Variants in NALF1 observed in about 807,000 individuals in gnomAD.
NALF1 encodes NALCN channel auxiliary factor 1.
Under a neutral mutation model 48.4 loss-of-function variants are expected in NALF1, and 3 were observed. That is an observed-to-expected ratio of 0.06 (90% CI 0.03 to 0.16). The LOEUF (loss-of-function observed/expected upper bound fraction) is 0.16. NALF1 is among the 10% of genes least tolerant of loss of function. The pLI is 1.00. For missense variants in NALF1, 526 were observed against 571.5 expected (o/e 0.92, Z 0.81); for synonymous variants, 262 against 245.7 (o/e 1.07, Z -0.62).
intron 1 of NALF1, among the ~76,000 whole-genome samples, chr13:107,585,395 G>T (rs1298940186): frequency 6.6e-6 from 1 of 151,514 alleles, no homozygotes; most frequent in African/African-American, 2.4e-5. Context: ...AAAATCCAAC[G>T]TATCTGGGAA....
At chr13:107,538,206 C>G (rs1028396884) in intron 1 of NALF1, among the ~76,000 whole-genome samples, 4 of 152,104 alleles carry the variant, frequency 2.6e-5, no homozygotes, top group Non-Finnish European at 5.9e-5. Flanking sequence ...GCCATATATT[C>G]CAATCAAGCC....
Position 107,400,486 on chromosome 13 carries a change from C to T in NALF1, c.916-189731G>A, listed in dbSNP as rs113113671. On this transcript the variant is annotated intron_variant, in intron 1 of 2. Coordinates refer to ENST00000375915, the MANE Select transcript of NALF1 (RefSeq NM_001080396.3). ...ATCCCAGCACTTTTGGAGGCTGAGG[C>T]GGGCAGATCACAAGGTCAGGAGATC... Among the ~76,000 whole-genome samples, 355 of 151,996 alleles carry T rather than the reference C, an allele frequency of 2.3e-3. 1 individual carries two copies. Among genetic ancestry groups the T allele is most frequent in the Admixed American group, 3.5e-3 (53 of 15,238 alleles).
chr13:107,833,028 G>A (rs557568328), intron 1 of NALF1, among the ~76,000 whole-genome samples: 1 of 152,158 alleles, frequency 6.6e-6, no homozygotes, highest in East Asian at 1.9e-4. Context: ...TCTTCCTGTG[G>A]CCCCTGGCCT....
intron 1 of NALF1, among the ~76,000 whole-genome samples, chr13:107,258,644 T>A (rs1395955866): frequency 6.6e-6 from 1 of 152,178 alleles, no homozygotes; most frequent in Non-Finnish European, 1.5e-5. Context: ...GAAGCCAATA[T>A]GCTGCAGTGA....
At chr13:107,312,055 A>G (rs1396836962) in intron 1 of NALF1, among the ~76,000 whole-genome samples, 1 of 152,220 alleles carries the variant, frequency 6.6e-6, no homozygotes, top group Non-Finnish European at 1.5e-5. Flanking sequence ...CATTTGACCC[A>G]GCCATCCCAT....
At chr13:107,319,904 C>T (rs1031147416) in intron 1 of NALF1, among the ~76,000 whole-genome samples, 3 of 152,062 alleles carry the variant, frequency 2.0e-5, no homozygotes, top group African/African-American at 4.8e-5. Flanking sequence ...ACTAATCTAA[C>T]GAGGGGAAGC....
At chr13:107,183,867 T>C (rs1198295777) in intron 2 of NALF1, among the ~76,000 whole-genome samples, 1 of 152,112 alleles carries the variant, frequency 6.6e-6, no homozygotes, top group Non-Finnish European at 1.5e-5. Context: ...GGGGGAGGGA[T>C]AGCATTAGGA....
intron 1 of NALF1, among the ~76,000 whole-genome samples, chr13:107,442,084 T>G (rs923278284): frequency 2.6e-5 from 4 of 152,048 alleles, no homozygotes; most frequent in Admixed American, 2.6e-4. Flanking sequence ...TTCTGGAGGG[T>G]GAGATTTGAA....
At position 107,698,903 on chromosome 13, in the gene NALF1, G is replaced by T. The variant is rs1192788502; in HGVS notation, c.915+166779C>A. Among the ~76,000 whole-genome samples, 5 of 152,088 alleles carry T rather than the reference G, an allele frequency of 3.3e-5. No individual in the cohort carries two copies. In the South Asian group the frequency reaches 6.2e-4, roughly 19 times the overall value. ...TGGTGACAGACATCTAGGGTCATCA[G>T]CATTGGGAATATCAGAGCAATAAGA... On this transcript the variant is annotated intron_variant, in intron 1 of 2. Coordinates refer to ENST00000375915, the MANE Select transcript of NALF1 (RefSeq NM_001080396.3).
chr13:107,739,284 C>T (rs942625630), intron 1 of NALF1, among the ~76,000 whole-genome samples: 1 of 151,692 alleles, frequency 6.6e-6, no homozygotes, highest in Non-Finnish European at 1.5e-5. Flanking sequence ...GTGTAACAAA[C>T]CCGCACGTCC....
chr13:107,775,099 C>G (rs1013577666), intron 1 of NALF1, among the ~76,000 whole-genome samples: 1 of 152,182 alleles, frequency 6.6e-6, no homozygotes, highest in African/African-American at 2.4e-5. Flanking sequence ...TACATGTGCA[C>G]AATGTGCACG....
chr13:107,552,550 T>A (rs1168462470), intron 1 of NALF1, among the ~76,000 whole-genome samples: 1 of 152,148 alleles, frequency 6.6e-6, no homozygotes, highest in East Asian at 1.9e-4. Flanking sequence ...CACACTGGAC[T>A]CATTTATGTG....
intron 1 of NALF1, among the ~76,000 whole-genome samples, chr13:107,854,131 G>A (rs151215428): frequency 2.3e-4 from 35 of 152,220 alleles, no homozygotes; most frequent in African/African-American, 6.5e-4. Context: ...GAATAAAAAC[G>A]AACATTCGGT....
At chr13:107,414,177 C>T (rs1383200408) in intron 1 of NALF1, among the ~76,000 whole-genome samples, 1 of 151,618 alleles carries the variant, frequency 6.6e-6, no homozygotes, top group Non-Finnish European at 1.5e-5. Flanking sequence ...CATTAAAAAA[C>T]TTCTCTTATT....
chr13:107,772,051 T>C (rs995910284), intron 1 of NALF1, among the ~76,000 whole-genome samples: 1 of 152,138 alleles, frequency 6.6e-6, no homozygotes, highest in African/African-American at 2.4e-5. Flanking sequence ...GCTTTAAAAA[T>C]AATAATACTG....
intron 1 of NALF1, among the ~76,000 whole-genome samples, chr13:107,562,705 C>A (rs1877682808): frequency 6.6e-6 from 1 of 152,182 alleles, no homozygotes; most frequent in African/African-American, 2.4e-5. Context: ...CGAACTCATT[C>A]TTTAGACATC....
At chr13:107,188,532 A>G (rs1333830194) in intron 2 of NALF1, among the ~76,000 whole-genome samples, 1 of 152,180 alleles carries the variant, frequency 6.6e-6, no homozygotes, top group Non-Finnish European at 1.5e-5. Context: ...AGTCAGGGCA[A>G]ATTTTAAGTA....
At chr13:107,841,327 CTA>C (rs1225535721) in intron 1 of NALF1, among the ~76,000 whole-genome samples, 1 of 152,098 alleles carries the variant, frequency 6.6e-6, no homozygotes, top group Non-Finnish European at 1.5e-5. Context: ...AGCCCTCTCG[CTA>C]TGTGTGCCTT....
chr13:107,562,168 G>T (rs1345065925), intron 1 of NALF1, among the ~76,000 whole-genome samples: 2 of 152,190 alleles, frequency 1.3e-5, no homozygotes, highest in East Asian at 3.9e-4. Flanking sequence ...TGCTCTGTAG[G>T]GACACACTTT....
Sources: allele counts gnomAD v4.1 joint callset (sites outside exome capture counted in the v4.1 genomes callset), GRCh38; gene constraint gnomAD v4.1.1; transcripts MANE v1.5; gene names NCBI Gene and HGNC (gene_info 2026-07-23, HGNC 2026-07-21).